WASHC2A: variants seen among roughly 807,000 people sequenced by gnomAD.
WASHC2A encodes the protein WASH complex subunit FAM21A.
Under a neutral mutation model 140.3 loss-of-function variants are expected in WASHC2A, and 82 were observed. That is an observed-to-expected ratio of 0.58 (90% CI 0.49 to 0.70). WASHC2A has a LOEUF of 0.70. Among genes scored for constraint, WASHC2A ranks in the 30% least tolerant of loss-of-function variants. The pLI, the probability that WASHC2A is intolerant of heterozygous loss-of-function variation, is 0.00. For synonymous variants in WASHC2A, 340 were observed against 560.8 expected, an observed-to-expected ratio of 0.61 and a Z score of 5.56; for missense variants, 985 against 1,521.8, an observed-to-expected ratio of 0.65 and a Z score of 5.87.
intron 3 of WASHC2A, among the ~76,000 whole-genome samples, 193 bp from the exon 4 acceptor site, chr10:50,078,482 G>C (rs1554878761): frequency 3.3e-5 from 5 of 149,644 alleles, no homozygotes. Context: ...TTTTTTTTTG[G>C]TGAATGGACT....
chr10:50,097,361 T>C (rs1840585703), intron 15 of WASHC2A, among the ~76,000 whole-genome samples: 1 of 151,536 alleles, frequency 6.6e-6, no homozygotes, highest in South Asian at 2.1e-4. Flanking sequence ...TCTTAAATGA[T>C]CTTTCTTCCT....
In WASHC2A at chr10:50,090,847, G is replaced by A. The variant is rs1839865583; in HGVS notation, c.804G>A (p.Glu268=). The change falls in exon 9 of 31, where the codon GAG becomes GAA. Residue 268 remains glutamate (E), a synonymous_variant. Coordinates refer to ENST00000282633, the MANE Select transcript of WASHC2A (RefSeq NM_001005751.3). ...ACCTTTTCGCTGACTCTGAGAAGGA[G>A]GAGGAAGATATTGAGGACATTGAAG... is the stretch of plus-strand genomic sequence containing the variant. The part of the protein sequence containing the change: ...GCDLFADSEK[E]EEDIEDIEEN... The A allele has an allele frequency of 3.7e-6, 6 of 1,611,520 alleles. No individual in the cohort carries two copies. In the South Asian group the frequency reaches 5.5e-5, roughly 15 times the overall value.
chr10:50,098,452 CT>C (rs1840720119), intron 16 of WASHC2A, among the ~76,000 whole-genome samples: 1 of 135,012 alleles, frequency 7.4e-6, no homozygotes, highest in Non-Finnish European at 1.7e-5. Flanking sequence ...TAGCGTTTGC[CT>C]TCCTGTGAGA....
intron 10 of WASHC2A, among the ~76,000 whole-genome samples, chr10:50,091,853 A>G (rs1839959687): frequency 6.6e-6 from 1 of 152,162 alleles, no homozygotes; most frequent in Non-Finnish European, 1.5e-5. Flanking sequence ...TTGAACACGT[A>G]AGAATGTGCT....
At chr10:50,071,873 T>C (rs1398099318) in intron 3 of WASHC2A, among the ~76,000 whole-genome samples, 7 of 150,604 alleles carry the variant, frequency 4.6e-5, no homozygotes, top group African/African-American at 1.5e-4. Flanking sequence ...GGATTTCCTG[T>C]TTTCCATCCA....
chr10:50,102,133 T>C (rs1353772460), intron 17 of WASHC2A, among the ~76,000 whole-genome samples: 2 of 152,204 alleles, frequency 1.3e-5, no homozygotes, highest in African/African-American at 4.8e-5. Context: ...CAGACTTGTG[T>C]GAAAACCCTA....
chr10:50,130,613 G>A (rs1231671437), intron 29 of WASHC2A, among the ~76,000 whole-genome samples: 1 of 152,194 alleles, frequency 6.6e-6, no homozygotes, highest in African/African-American at 2.4e-5. Flanking sequence ...AGTACTAAGT[G>A]TCATGAAGAA....
intron 4 of WASHC2A, among the ~76,000 whole-genome samples, chr10:50,080,269 T>C (rs1410508861): frequency 6.6e-6 from 1 of 152,184 alleles, no homozygotes; most frequent in Non-Finnish European, 1.5e-5. Context: ...GTAGAACAGA[T>C]TTATAAAATA....
chr10:50,069,719 A>T lies in WASHC2A; in HGVS notation c.291+8A>T, dbSNP rs1374490842. 6.2e-7 allele frequency: 1 copy of T among 1,610,740 alleles called. No individual in the cohort carries two copies. Among genetic ancestry groups the T allele is most frequent in the Non-Finnish European group, 8.5e-7 (1 of 1,178,686 alleles). On this transcript the variant is annotated splice_region_variant and intron_variant, in intron 3 of 30. Transcript: ENST00000282633. The stretch of plus-strand genomic sequence containing the variant: ...ACCCAGTTCATTGAGAATGTGAGTT[A>T]TTTAGTTATATTATCATTCCTTTTT...
Position 50,118,171 on chromosome 10 carries a change from C to T in WASHC2A, c.2295+113C>T, listed in dbSNP as rs1842816239. ...AGAAAATAAATGGCCCATTTGTAGA[C>T]AGATTTGAAAACATAGACAAGCAGG... On this transcript the variant is annotated intron_variant, in intron 22 of 30. Transcript: ENST00000282633. 4 of 1,037,864 alleles carry T rather than the reference C, an allele frequency of 3.9e-6. No individual in the cohort carries two copies. In the Admixed American group the frequency reaches 6.6e-5, roughly 17 times the overall value. 64.3% of individuals were successfully genotyped at this position (1,037,864 alleles called of 1,614,324 possible). A position where few individuals can be genotyped will look rare whatever the true frequency, so the allele number is the denominator to read the frequency against.
chr10:50,110,340 A>G lies in WASHC2A; in HGVS notation c.2039+70A>G, dbSNP rs1429291629. 38 of 1,602,916 alleles carry G rather than the reference A, an allele frequency of 2.4e-5. 1 individual carries two copies. Among genetic ancestry groups the G allele is most frequent in the African/African-American group, 2.1e-4 (16 of 74,746 alleles). On this transcript the variant is annotated intron_variant, in intron 20 of 30. Coordinates refer to ENST00000282633, the MANE Select transcript of WASHC2A (RefSeq NM_001005751.3). The stretch of plus-strand genomic sequence containing the variant: ...AACAAGAAAAGGAATCTGATGCACA[A>G]TCTAGTTCATCGGGTGATTGCTAAT...
At chr10:50,077,314 C>T (rs1838452381) in intron 3 of WASHC2A, among the ~76,000 whole-genome samples, 2 of 151,840 alleles carry the variant, frequency 1.3e-5, no homozygotes, top group South Asian at 4.2e-4. Flanking sequence ...AATAAATAAG[C>T]AGGAAGGGTA....
At chr10:50,127,909 G>T (rs1313589373) in intron 28 of WASHC2A, 114 bp downstream of exon 28, 109 of 1,517,750 alleles carry the variant, frequency 7.2e-5, no homozygotes, top group Non-Finnish European at 8.7e-5. Flanking sequence ...TTTTGAAGGA[G>T]GTGCCTCATC....
chr10:50,101,578 C>G (rs1189448429), intron 17 of WASHC2A, among the ~76,000 whole-genome samples: 1 of 152,274 alleles, frequency 6.6e-6, no homozygotes, highest in East Asian at 1.9e-4. Context: ...TCCTTAATAC[C>G]AGTGCTTGGC....
chr10:50,131,310 T>G (rs1843942712), intron 30 of WASHC2A: 14 of 740,894 alleles, frequency 1.9e-5, no homozygotes, highest in Non-Finnish European at 3.3e-5. Context: ...AGTTTGACGT[T>G]TAAGTATAAT....
intron 2 of WASHC2A, 96 bp from the exon 3 acceptor site, chr10:50,069,451 A>G (rs1837596675): frequency 2.1e-6 from 3 of 1,442,316 alleles, no homozygotes; most frequent in Middle Eastern, 1.8e-4. Context: ...ACATTCTAAC[A>G]CTCAAAGGTG....
rs762243447 is a variant in WASHC2A at position 50,130,884 on chromosome 10, A to G, written c.3709-17A>G. ...ATTGATTTAACATTATTTTGTATGT[A>G]TTTTTGGCTTAACAAGGATGATATA... On this transcript the variant is annotated splice_polypyrimidine_tract_variant and intron_variant, in intron 29 of 30. Transcript: ENST00000282633. 6.2e-7 allele frequency: 1 copy of G among 1,603,582 alleles called. No individual in the cohort carries two copies. Among genetic ancestry groups the G allele is most frequent in the South Asian group, 1.1e-5 (1 of 88,658 alleles).
chr10:50,103,528 G>C (rs1589232393), intron 17 of WASHC2A, among the ~76,000 whole-genome samples: 1 of 152,020 alleles, frequency 6.6e-6, no homozygotes, highest in Admixed American at 6.5e-5. Flanking sequence ...CCACTGCACT[G>C]CAGCCTGGGC....
intron 13 of WASHC2A, among the ~76,000 whole-genome samples, chr10:50,094,612 C>T (rs1589204707): frequency 6.6e-6 from 1 of 152,210 alleles, no homozygotes; most frequent in South Asian, 2.1e-4. Flanking sequence ...CAGAGCTGGG[C>T]CTTGGAGGCC....
Sources: gnomAD v4.1 joint callset for allele counts (sites outside exome capture counted in the v4.1 genomes callset) on GRCh38, gnomAD v4.1.1 for gene constraint, MANE v1.5 for transcripts, NCBI Gene and HGNC (gene_info 2026-07-23, HGNC 2026-07-21) for gene names.